Variants in GALNT13 observed in about 807,000 individuals in gnomAD.
The protein encoded by GALNT13 is polypeptide N-acetylgalactosaminyltransferase 13.
Under a neutral mutation model 64.2 loss-of-function variants are expected in GALNT13, and 28 were observed. The ratio of observed to expected loss-of-function variants is 0.44; its 90% CI spans 0.32 to 0.60. GALNT13 has a LOEUF of 0.60. Ranked by LOEUF, GALNT13 falls within the 20% of genes least tolerant of loss-of-function variation. The pLI is 0.05. For missense variants in GALNT13, 577 were observed against 669.8 expected, an observed-to-expected ratio of 0.86 and a Z score of 1.53; for synonymous variants, 214 against 224.6, an observed-to-expected ratio of 0.95 and a Z score of 0.42.
rs998674695 is a variant in GALNT13 at position 154,252,073 on chromosome 2, A to C, written c.857+6091A>C. Among the ~76,000 whole-genome samples, 4 of 152,066 alleles carry C rather than the reference A, an allele frequency of 2.6e-5. No individual in the cohort carries two copies. In the East Asian group the frequency reaches 7.7e-4, roughly 29 times the overall value. Reference sequence around the variant, plus strand: ...ACAGATCTAAATACTAACAGTGTAGATATTGTGTTATTTGAACATTATAAA... The same window carrying C: ...ACAGATCTAAATACTAACAGTGTAGCTATTGTGTTATTTGAACATTATAAA... On this transcript the variant is annotated intron_variant, in intron 7 of 12. Transcript: ENST00000392825.
intron 4 of GALNT13, among the ~76,000 whole-genome samples, chr2:154,159,694 A>G (rs1684623473): frequency 6.6e-6 from 1 of 152,114 alleles, no homozygotes; most frequent in South Asian, 2.1e-4. Context: ...TTTTCCCAGC[A>G]GGACAGTTTA....
the GALNT13 span, among the ~76,000 whole-genome samples, chr2:153,094,183 T>C: frequency 3.3e-5 from 5 of 152,204 alleles, no homozygotes; most frequent in Non-Finnish European, 7.3e-5. Context: ...TCATATTAAA[T>C]TTGGGTTTGG....
chr2:153,611,295 C>T, the GALNT13 span, among the ~76,000 whole-genome samples: 342 of 152,210 alleles, frequency 2.2e-3, no homozygotes, highest in South Asian at 6.2e-3. Flanking sequence ...ACTCAGCATA[C>T]CTAATACATG....
intron 7 of GALNT13, among the ~76,000 whole-genome samples, chr2:154,248,472 T>C (rs1689901936): frequency 6.6e-6 from 1 of 152,150 alleles, no homozygotes; most frequent in South Asian, 2.1e-4. Context: ...ATATGACTTT[T>C]CAAGAATATT....
the GALNT13 span, among the ~76,000 whole-genome samples, chr2:153,439,473 C>T: frequency 2.6e-5 from 4 of 152,182 alleles, no homozygotes; most frequent in Admixed American, 2.0e-4. Context: ...CCACCCAGTT[C>T]GAGCTTCCTG....
the GALNT13 span, among the ~76,000 whole-genome samples, chr2:153,567,644 T>C: frequency 6.6e-6 from 1 of 152,186 alleles, no homozygotes; most frequent in South Asian, 2.1e-4. Context: ...TGCTTGGAAG[T>C]GAGATAGGAC....
At chr2:153,669,176 A>G in the GALNT13 span, among the ~76,000 whole-genome samples, 1 of 152,058 alleles carries the variant, frequency 6.6e-6, no homozygotes, top group South Asian at 2.1e-4. Flanking sequence ...AACACACACC[A>G]GCCCATCTGC....
At chr2:153,669,457 C>A in the GALNT13 span, among the ~76,000 whole-genome samples, 2 of 152,150 alleles carry the variant, frequency 1.3e-5, no homozygotes, top group Admixed American at 6.5e-5. Flanking sequence ...TCATGACACA[C>A]AATTTACCTA....
the GALNT13 span, among the ~76,000 whole-genome samples, chr2:153,125,754 T>G: frequency 1.3e-5 from 2 of 152,220 alleles, no homozygotes; most frequent in African/African-American, 2.4e-5. Context: ...ACTTTAAGCC[T>G]ATGTGTGATT....
the GALNT13 span, among the ~76,000 whole-genome samples, chr2:153,794,228 A>T: frequency 6.6e-6 from 1 of 152,170 alleles, no homozygotes; most frequent in South Asian, 2.1e-4. Context: ...AAAACAGAAA[A>T]ATTTTGATTT....
chr2:153,750,586 T>C, the GALNT13 span, among the ~76,000 whole-genome samples: 1 of 151,840 alleles, frequency 6.6e-6, no homozygotes, highest in Non-Finnish European at 1.5e-5. Context: ...TACCATTTCT[T>C]CTAGATTTTT....
chr2:154,389,356 G>A (rs1433921954), intron 9 of GALNT13, among the ~76,000 whole-genome samples: 1 of 152,122 alleles, frequency 6.6e-6, no homozygotes, highest in African/African-American at 2.4e-5. Flanking sequence ...CCACGCTGGT[G>A]TTGAACTCCT....
chr2:153,401,705 T>G, the GALNT13 span, among the ~76,000 whole-genome samples: 2 of 147,518 alleles, frequency 1.4e-5, no homozygotes, highest in Non-Finnish European at 3.0e-5. Flanking sequence ...TCTTTTGATC[T>G]TTGTTGGTTT....
the GALNT13 span, among the ~76,000 whole-genome samples, chr2:153,635,482 TA>T: frequency 9.3e-4 from 110 of 118,828 alleles, no homozygotes; most frequent in Middle Eastern, 0.017. Context: ...GTTTTTAACT[TA>T]CCTTTCAGTC....
the GALNT13 span, among the ~76,000 whole-genome samples, chr2:153,781,443 T>C: frequency 6.6e-6 from 1 of 152,260 alleles, no homozygotes; most frequent in Non-Finnish European, 1.5e-5. Context: ...CTGTCGAGAA[T>C]TGATTCATTT....
chr2:154,206,020 TAG>T (rs1474156985), intron 4 of GALNT13, among the ~76,000 whole-genome samples: 1 of 151,862 alleles, frequency 6.6e-6, no homozygotes, highest in Non-Finnish European at 1.5e-5. Context: ...TATTTTAAGA[TAG>T]AGTCTGGCTC....
At chr2:154,388,137 G>T (rs1181807321) in intron 9 of GALNT13, among the ~76,000 whole-genome samples, 2 of 152,086 alleles carry the variant, frequency 1.3e-5, no homozygotes, top group East Asian at 1.9e-4. Context: ...ATACCTTATT[G>T]TGGCTTTAAT....
chr2:154,246,181 A>G (rs987106228), intron 7 of GALNT13, among the ~76,000 whole-genome samples, 199 bp downstream of exon 7: 13 of 152,114 alleles, frequency 8.5e-5, no homozygotes, highest in African/African-American at 3.1e-4. Flanking sequence ...AAACTTAAGT[A>G]TTGGCAAAAA....
the GALNT13 span, among the ~76,000 whole-genome samples, chr2:153,866,807 G>C: frequency 2.0e-5 from 3 of 152,150 alleles, no homozygotes; most frequent in African/African-American, 7.2e-5. Flanking sequence ...CATTTTAAAT[G>C]ATTGTGTAAT....
Sources: gnomAD v4.1 joint callset for allele counts (sites outside exome capture counted in the v4.1 genomes callset) on GRCh38, gnomAD v4.1.1 for gene constraint, MANE v1.5 for transcripts, NCBI Gene and HGNC (gene_info 2026-07-23, HGNC 2026-07-21) for gene names.